Variants in ZNF679 observed in about 807,000 individuals in gnomAD.
The protein encoded by ZNF679 is zinc finger protein 679.
ZNF679 carries 10 observed loss-of-function variants against 13.4 expected under a neutral mutation model. The observed-to-expected ratio is 0.75, with a 90% CI of 0.46 to 1.27. The LOEUF (loss-of-function observed/expected upper bound fraction) is 1.27, where lower values mean the gene tolerates loss of function less well. Ranked by LOEUF, ZNF679 falls within the 50% of genes most tolerant of loss-of-function variation. The probability of loss-of-function intolerance (pLI) is 0.00; values close to 1 mark genes in which losing one functional copy is unlikely to be tolerated. For missense variants in ZNF679, 525 were observed against 477.8 expected (o/e 1.10, Z -0.92); for synonymous variants, 179 against 162.5 (o/e 1.10, Z -0.77).
intron 1 of ZNF679, among the ~76,000 whole-genome samples, chr7:64,239,688 A>T (rs1177747345): frequency 6.6e-6 from 1 of 152,122 alleles, no homozygotes; most frequent in African/African-American, 2.4e-5. Context: ...CACCAAGCCT[A>T]GCACTTAATG....
At chr7:64,229,837 A>G (rs1787612500) in intron 1 of ZNF679, among the ~76,000 whole-genome samples, 1 of 152,054 alleles carries the variant, frequency 6.6e-6, no homozygotes, top group African/African-American at 2.4e-5. Flanking sequence ...AAACAGTCAT[A>G]TCATCTGAAT....
intron 1 of ZNF679, among the ~76,000 whole-genome samples, chr7:64,243,797 G>C (rs1317059256): frequency 6.6e-6 from 1 of 152,190 alleles, no homozygotes; most frequent in Non-Finnish European, 1.5e-5. Context: ...TCACGTCTGT[G>C]AAAAGGTCCA....
chr7:64,245,745 G>A (rs6951009), intron 1 of ZNF679, among the ~76,000 whole-genome samples: 40,742 of 152,106 alleles, frequency 0.27, 6,082 homozygotes, highest in Non-Finnish European at 0.34. Context: ...GGTGGCTCAT[G>A]CCTGTAATTC....
intron 1 of ZNF679, among the ~76,000 whole-genome samples, chr7:64,230,883 G>A (rs907934946): frequency 3.9e-5 from 6 of 152,188 alleles, no homozygotes; most frequent in Non-Finnish European, 8.8e-5. Context: ...TCACACGTGT[G>A]CTGAATATAT....
chr7:64,233,070 G>A (rs968628134), intron 1 of ZNF679, among the ~76,000 whole-genome samples: 5 of 151,976 alleles, frequency 3.3e-5, no homozygotes, highest in Middle Eastern at 3.4e-3. Flanking sequence ...TAAAAACCCC[G>A]TGTCTACTAA....
intron 1 of ZNF679, among the ~76,000 whole-genome samples, chr7:64,236,969 GAAAGAAAA>G (rs1245161737): frequency 3.6e-4 from 12 of 33,616 alleles, no homozygotes; most frequent in African/African-American, 8.1e-4. Context: ...AAGAAAGAAA[GAAAGAAAA>G]AGAAAGAAAG....
Position 64,265,801 on chromosome 7 carries a change from C to T in ZNF679, c.263-95C>T, listed in dbSNP as rs180977342. ...TGTGGTAATTTGATATGCCATTTTG[C>T]TAAAGTACCTTGTATAATTTTATAT... On this transcript the variant is annotated intron_variant, in intron 4 of 4. Transcript: ENST00000421025. 1.7e-4 allele frequency: 243 copies of T among 1,404,108 alleles called. 1 individual carries two copies. The East Asian group carries it at 4.2e-3, about 24-fold the overall frequency. 87.0% of individuals were successfully genotyped at this position (1,404,108 alleles called of 1,614,324 possible). A position where few individuals can be genotyped will look rare whatever the true frequency, so the allele number is the denominator to read the frequency against.
intron 1 of ZNF679, among the ~76,000 whole-genome samples, chr7:64,232,392 C>T (rs758417649): frequency 1.3e-5 from 2 of 152,174 alleles, no homozygotes; most frequent in Non-Finnish European, 2.9e-5. Flanking sequence ...AGGAGCATAC[C>T]TGTTGTAATA....
intron 1 of ZNF679, among the ~76,000 whole-genome samples, chr7:64,231,437 C>T (rs764308624): frequency 2.8e-4 from 42 of 152,124 alleles, no homozygotes; most frequent in Non-Finnish European, 4.7e-4. Flanking sequence ...TTCTGTAGGC[C>T]GAGCCCAGGC....
At position 64,266,191 on chromosome 7, in the gene ZNF679, T is replaced by C. The variant is rs1353211359; in HGVS notation, c.558T>C (p.Cys186=). ...ATACTGGAAAGAAACATTTCAAATGTAAAAAATATGGCAAATCATTTTGCA... is the reference window on the plus strand; with the variant it reads ...ATACTGGAAAGAAACATTTCAAATGCAAAAAATATGGCAAATCATTTTGCA... ...TRHTGKKHFK[C]KKYGKSFCMV... is the part of the protein sequence containing the mutation. The change falls in exon 5 of 5, where the codon TGT becomes TGC. Residue 186 remains cysteine, a synonymous_variant. Coordinates refer to ENST00000421025, the MANE Select transcript of ZNF679 (RefSeq NM_153363.3). 6.3e-7 allele frequency: 1 copy of C among 1,589,446 alleles called. No individual in the cohort carries two copies. The highest frequency in any genetic ancestry group is 8.6e-7 in the Non-Finnish European group (1 of 1,166,180).
Sources: allele counts gnomAD v4.1 joint callset (sites outside exome capture counted in the v4.1 genomes callset), GRCh38; gene constraint gnomAD v4.1.1; transcripts MANE v1.5; gene names NCBI Gene and HGNC (gene_info 2026-07-23, HGNC 2026-07-21).